SPTB: variants seen among roughly 807,000 people sequenced by gnomAD.
The protein encoded by SPTB is spectrin beta chain, erythrocytic.
Under a neutral mutation model 256.2 loss-of-function variants are expected in SPTB, and 45 were observed. That is an observed-to-expected ratio of 0.18 (90% CI 0.14 to 0.23). The LOEUF is 0.23. SPTB is among the 10% of genes least tolerant of loss of function. SPTB has a pLI of 1.00. For synonymous variants in SPTB, 1,231 were observed against 1,243.1 expected (o/e 0.99, Z 0.21); for missense variants, 2,715 against 3,040.4 (o/e 0.89, Z 2.52).
intron 32 of SPTB, among the ~76,000 whole-genome samples, chr14:64,766,082 G>A (rs2082174334): frequency 6.8e-6 from 1 of 147,706 alleles, no homozygotes. Flanking sequence ...TGGTCTGTAT[G>A]AGTATGCGTG....
chr14:64,798,991 A>ATGTATGTGCATTTGTACATGTGGT (rs2139617968), intron 9 of SPTB, among the ~76,000 whole-genome samples: 3 of 152,306 alleles, frequency 2.0e-5, no homozygotes, highest in Admixed American at 2.0e-4. Flanking sequence ...GGTTGTATAT[A>ATGTATGTGCATTTGTACATGTGGT]TGTATGTGCA....
In SPTB at chr14:64,800,777, C is replaced by A; in HGVS notation, c.855G>T (p.Val285=). 1 of 1,614,220 alleles carries A rather than the reference C, an allele frequency of 6.2e-7. No homozygotes were observed. The highest frequency in any genetic ancestry group is 8.5e-7 in the Non-Finnish European group (1 of 1,180,036). The change falls in exon 8 of 36, where the codon GTG becomes GTT. Residue 285 remains valine, a synonymous_variant. Transcript: ENST00000644917. Reference sequence around the variant, plus strand: ...GTACCTTGCCGACACGCTTGCCCTCCACTGCCAGCACCTTCATCTTGGAGA... The same window carrying A: ...GTACCTTGCCGACACGCTTGCCCTCAACTGCCAGCACCTTCATCTTGGAGA... ...HYFSKMKVLA[V]EGKRVGKVID... is the part of the protein sequence containing the mutation.
At position 64,772,743 on chromosome 14, in the gene SPTB, T is replaced by C; in HGVS notation, c.5390A>G (p.Tyr1797Cys). The C allele has an allele frequency of 1.2e-6, 2 of 1,613,902 alleles. No individual in the cohort carries two copies. The highest frequency in any genetic ancestry group is 1.7e-5 in the Admixed American group (1 of 60,014). The change falls in exon 26 of 36, where the codon TAT becomes TGT. Residue 1797 changes from tyrosine to cysteine, a missense_variant. This residue lies in a region of SPTB where 2,239 missense variants were observed against 2,384.4 expected (regional missense o/e 0.94). Coordinates refer to ENST00000644917, the MANE Select transcript of SPTB (RefSeq NM_001355436.2). This position sits in a 1 kb window ranked among gnomAD's most constrained non-coding sequence, Gnocchi z 5.4. Reference protein sequence around the residue: ...DTRMQLLAASYDLHRYFYTGA... With the variant: ...DTRMQLLAASCDLHRYFYTGA... Reference sequence around the variant, plus strand: ...CGTGTAGAAGTAGCGGTGCAGGTCATAGGAGGCGGCCAGCAGCTGCATGCG... The same window carrying C: ...CGTGTAGAAGTAGCGGTGCAGGTCACAGGAGGCGGCCAGCAGCTGCATGCG...
Position 64,841,508 on chromosome 14 carries a change from T to G in SPTB, c.-51-18363A>C, listed in dbSNP as rs1020295410. 2.0e-5 allele frequency among the ~76,000 whole-genome samples: 3 copies of G among 152,310 alleles called. No homozygotes were observed. The highest frequency in any genetic ancestry group is 7.2e-5 in the African/African-American group (3 of 41,564). On this transcript the variant is annotated intron_variant, in intron 1 of 35. Coordinates refer to ENST00000644917, the MANE Select transcript of SPTB (RefSeq NM_001355436.2). The surrounding 1 kb of genome is among the most constrained non-coding windows in gnomAD (Gnocchi z 4.6). The stretch of plus-strand genomic sequence containing the variant: ...TCTGCACTGGAGGCCCAGGAGGCTC[T>G]TCAGGGTCACAGCTAATCCACGCCC...
chr14:64,833,558 A>G (rs1752749991), intron 1 of SPTB, among the ~76,000 whole-genome samples: 1 of 151,862 alleles, frequency 6.6e-6, no homozygotes, highest in Admixed American at 6.6e-5. Context: ...CTCAAAAAAA[A>G]AAAAAAGAAA....
chr14:64,830,039 A>G (rs2083429106), intron 1 of SPTB, among the ~76,000 whole-genome samples: 1 of 152,094 alleles, frequency 6.6e-6, no homozygotes, highest in South Asian at 2.1e-4. Context: ...TTCCTTGTGG[A>G]AGTCCTCCCT....
chr14:64,801,859 G>A (rs770448428), intron 5 of SPTB, 25 bp from the exon 6 acceptor site: 6 of 1,606,150 alleles, frequency 3.7e-6, no homozygotes, highest in East Asian at 2.2e-5. Context: ...AACAGTAAGA[G>A]CTAAGAATTA....
chr14:64,848,289 G>T (rs2083725462), intron 1 of SPTB, among the ~76,000 whole-genome samples: 1 of 152,108 alleles, frequency 6.6e-6, no homozygotes, highest in African/African-American at 2.4e-5. Flanking sequence ...TTATTGTGGA[G>T]ACCATTTTAA....
At position 64,793,327 on chromosome 14, in the gene SPTB, C is replaced by T. The variant is rs150063025; in HGVS notation, c.2336G>A (p.Arg779Gln). Residue 779 changes from arginine to glutamine, a missense_variant, in exon 14 of 36, where the codon CGG becomes CAG. Arg to Gln is a conservative substitution (Grantham distance 43). Transcript: ENST00000644917. This position sits in a 1 kb window ranked among gnomAD's most constrained non-coding sequence, Gnocchi z 7.0. ...EDVGQDEGAT[R>Q]ALGKKHKDFL... ...GTCCTTGTGCTTTTTCCCCAGGGCC[C>T]GCGTGGCCCCTTCGTCCTGCCCCAC... is the stretch of plus-strand genomic sequence containing the variant. 209 of 1,609,382 alleles carry T rather than the reference C, an allele frequency of 1.3e-4. No individual in the cohort carries two copies. The highest frequency in any genetic ancestry group is 1.6e-4 in the Non-Finnish European group (189 of 1,180,014).
chr14:64,878,863 C>G (rs1472395808), intron 1 of SPTB, among the ~76,000 whole-genome samples: 1 of 151,480 alleles, frequency 6.6e-6, no homozygotes, highest in Non-Finnish European at 1.5e-5. Flanking sequence ...TCCTGGCTGG[C>G]GCCTCTAATT....
In SPTB at chr14:64,823,445, G is replaced by A. The variant is rs996843107; in HGVS notation, c.-51-300C>T. On this transcript the variant is annotated intron_variant, in intron 1 of 35. Transcript: ENST00000644917. The surrounding 1 kb of genome is among the most constrained non-coding windows in gnomAD (Gnocchi z 6.5). ...GCCAGCTGCTTCCTCCAGACCAGCC[G>A]CCCCGCCGCGGGGAGCACCCCGGGA... Among the ~76,000 whole-genome samples, 1 of 152,176 alleles carries A rather than the reference G, an allele frequency of 6.6e-6. No individual in the cohort carries two copies. Among genetic ancestry groups the A allele is most frequent in the Non-Finnish European group, 1.5e-5 (1 of 68,024 alleles).
rs1404051289 is a variant in SPTB, at chr14:64,772,203, C to A, written c.5553+377G>T. On this transcript the variant is annotated intron_variant, in intron 26 of 35. Transcript: ENST00000644917. The surrounding 1 kb of genome is among the most constrained non-coding windows in gnomAD (Gnocchi z 5.4). The stretch of plus-strand genomic sequence containing the variant: ...TTCTACCTCTCCCTTTTCTCATCTA[C>A]AAAGTGCAGGGAATATTAGTAGCTG... 3.9e-5 allele frequency among the ~76,000 whole-genome samples: 6 copies of A among 152,234 alleles called. No individual in the cohort carries two copies. Among genetic ancestry groups the A allele is most frequent in the Non-Finnish European group, 5.9e-5 (4 of 68,044 alleles).
chr14:64,775,430 C>T lies in SPTB; in HGVS notation c.4564-27G>A. The T allele has an allele frequency of 6.2e-7, 1 of 1,605,700 alleles. No individual in the cohort carries two copies. Among genetic ancestry groups the T allele is most frequent in the Non-Finnish European group, 8.5e-7 (1 of 1,174,710 alleles). On this transcript the variant is annotated intron_variant, in intron 22 of 35. Transcript: ENST00000644917. This position sits in a 1 kb window ranked among gnomAD's most constrained non-coding sequence, Gnocchi z 5.0. ...TGCGGCCAGAAGGAAGGGCTCGGGG[C>T]AGGGCCTTCCCACCATGCGGGGGAG... is the stretch of plus-strand genomic sequence containing the variant.
At chr14:64,784,106 G>C in intron 19 of SPTB, 141 bp downstream of exon 19, 1 of 1,251,630 alleles carries the variant, frequency 8.0e-7, no homozygotes, top group South Asian at 1.3e-5. Context: ...TGAAGGTTTA[G>C]CTACTATTTA....
In SPTB at chr14:64,804,933, C is replaced by T. The variant is rs1341557157; in HGVS notation, c.300+6G>A. ...GCAGCCCCGGGGCCCACAGAAGGGA[C>T]TTTACCAGCATCTCTCCAGAGAGCA... On this transcript the variant is annotated splice_donor_region_variant and intron_variant, in intron 3 of 35. Transcript: ENST00000644917. 2 of 1,614,050 alleles carry T rather than the reference C, an allele frequency of 1.2e-6. No individual in the cohort carries two copies. The highest frequency in any genetic ancestry group is 1.7e-5 in the Admixed American group (1 of 60,022).
chr14:64,841,635 A>G lies in SPTB; in HGVS notation c.-51-18490T>C, dbSNP rs1022943385. ...CTTTTTCCCCCAAATCGACACAGACATGGAGAAGATAGGAAAGCATTGTGG... is the reference window on the plus strand; with the variant it reads ...CTTTTTCCCCCAAATCGACACAGACGTGGAGAAGATAGGAAAGCATTGTGG... On this transcript the variant is annotated intron_variant, in intron 1 of 35. Coordinates refer to ENST00000644917, the MANE Select transcript of SPTB (RefSeq NM_001355436.2). This position sits in a 1 kb window ranked among gnomAD's most constrained non-coding sequence, Gnocchi z 4.6. Among the ~76,000 whole-genome samples the G allele has an allele frequency of 3.3e-5, 5 of 152,122 alleles. No individual in the cohort carries two copies. The highest frequency in any genetic ancestry group is 1.2e-4 in the African/African-American group (5 of 41,414).
rs1026619324 is a variant in SPTB, at chr14:64,772,209, G to A, written c.5553+371C>T. 2.0e-5 allele frequency among the ~76,000 whole-genome samples: 3 copies of A among 152,216 alleles called. No homozygotes were observed. The highest frequency in any genetic ancestry group is 4.4e-5 in the Non-Finnish European group (3 of 68,050). ...CTCTCCCTTTTCTCATCTACAAAGT[G>A]CAGGGAATATTAGTAGCTGCCTCAG... is the stretch of plus-strand genomic sequence containing the variant. On this transcript the variant is annotated intron_variant, in intron 26 of 35. Transcript: ENST00000644917. This position sits in a 1 kb window ranked among gnomAD's most constrained non-coding sequence, Gnocchi z 5.4.
At chr14:64,842,893 C>A (rs959748702) in intron 1 of SPTB, among the ~76,000 whole-genome samples, 1 of 152,108 alleles carries the variant, frequency 6.6e-6, no homozygotes, top group Admixed American at 6.6e-5. Flanking sequence ...AACAGAGAGA[C>A]CCTGTCTCTA....
In SPTB at chr14:64,794,416, G is replaced by A. The variant is rs45588935; in HGVS notation, c.1795+51C>T. ...TCCAAGTTGGGTTGTTAGGCCAGAG[G>A]TGAGGCTCTGGCATTGGAAGCCTCA... On this transcript the variant is annotated intron_variant, in intron 13 of 35. Coordinates refer to ENST00000644917, the MANE Select transcript of SPTB (RefSeq NM_001355436.2). 3.9e-3 allele frequency: 6,211 copies of A among 1,606,244 alleles called. 22 individuals carry two copies. The highest frequency in any genetic ancestry group is 4.8e-3 in the Non-Finnish European group (5,580 of 1,173,242).
Sources: allele counts gnomAD v4.1 joint callset (sites outside exome capture counted in the v4.1 genomes callset), GRCh38; gene constraint gnomAD v4.1.1; regional missense constraint gnomAD v4.1.1; non-coding constraint Gnocchi (gnomAD v3.1); transcripts MANE v1.5; gene names NCBI Gene and HGNC (gene_info 2026-07-23, HGNC 2026-07-21).